The following KANK1 variants were observed in gnomAD, a reference collection of about 807,000 sequenced individuals.
KANK1 encodes KN motif and ankyrin repeat domain-containing protein 1.
KANK1 carries 109 observed loss-of-function variants against 106.2 expected under a neutral mutation model. The ratio of observed to expected loss-of-function variants is 1.03; its 90% CI spans 0.88 to 1.20. KANK1 has a LOEUF of 1.20. Ranked by LOEUF, KANK1 falls within the 50% of genes most tolerant of loss-of-function variation. KANK1 has a pLI of 0.00. For synonymous variants in KANK1, 873 were observed against 652.2 expected, an observed-to-expected ratio of 1.34 and a Z score of -5.16; for missense variants, 2,399 against 1,710.7, an observed-to-expected ratio of 1.40 and a Z score of -7.10.
chr9:561,951 T>C (rs1020131063), intron 1 of KANK1, among the ~76,000 whole-genome samples: 3 of 152,088 alleles, frequency 2.0e-5, no homozygotes, highest in African/African-American at 4.8e-5. Flanking sequence ...AGGTTGCATG[T>C]ATGATAGAAA....
chr9:508,232 G>A lies in KANK1; in HGVS notation c.-84+3478G>A, dbSNP rs576770482. Among the ~76,000 whole-genome samples the A allele has an allele frequency of 1.5e-4, 21 of 143,894 alleles. No individual in the cohort carries two copies. The South Asian group carries it at 4.7e-3, about 32-fold the overall frequency. 94.4% of individuals were successfully genotyped at this position (143,894 alleles called of 152,430 possible). On this transcript the variant is annotated intron_variant, in intron 1 of 11. Coordinates refer to ENST00000382297, the MANE Select transcript of KANK1 (RefSeq NM_015158.5). ...CAGCTCACTGCAACCTCTGCCTCCC[G>A]GGTTCAAGCGATTCTCTGCCTCAGC...
chr9:568,446 G>A (rs1290591316), intron 1 of KANK1, among the ~76,000 whole-genome samples: 2 of 152,084 alleles, frequency 1.3e-5, no homozygotes, highest in African/African-American at 2.4e-5. Flanking sequence ...AGTCTGTGGG[G>A]TTTTTTTCCT....
At chr9:495,619 C>T (rs1055842248) in intron 3 of KANK1, 1 of 152,162 alleles carries the variant, frequency 6.6e-6, no homozygotes, top group African/African-American at 2.4e-5. Context: ...TTCATCAGGT[C>T]ATGAGGTTTT....
chr9:593,202 G>A (rs1056997769), intron 1 of KANK1, among the ~76,000 whole-genome samples: 1 of 151,778 alleles, frequency 6.6e-6, no homozygotes, highest in African/African-American at 2.4e-5. Context: ...GGCAGACCAT[G>A]TGTTCCAGTT....
chr9:526,715 C>G (rs1173669165), intron 1 of KANK1, among the ~76,000 whole-genome samples: 3 of 151,810 alleles, frequency 2.0e-5, no homozygotes, highest in African/African-American at 7.3e-5. Context: ...AGAGGAATCT[C>G]TCATCTATCT....
chr9:532,540 C>T (rs994384033), intron 1 of KANK1, among the ~76,000 whole-genome samples: 4 of 151,904 alleles, frequency 2.6e-5, no homozygotes, highest in Admixed American at 2.0e-4. Context: ...CATTTCCCTC[C>T]ACTCCCTCCA....
chr9:566,135 C>T (rs962354411), intron 1 of KANK1, among the ~76,000 whole-genome samples: 15 of 152,274 alleles, frequency 9.9e-5, no homozygotes, highest in Admixed American at 1.3e-4. Flanking sequence ...TCTGTTCCTG[C>T]GTTAGTTTGC....
intron 2 of KANK1, among the ~76,000 whole-genome samples, chr9:697,695 C>T (rs544252737): frequency 1.3e-5 from 2 of 152,228 alleles, no homozygotes; most frequent in African/African-American, 4.8e-5. Flanking sequence ...GCATGATGGA[C>T]TCACAAGTAG....
intron 2 of KANK1, among the ~76,000 whole-genome samples, chr9:472,891 C>T (rs1438315693): frequency 6.6e-6 from 1 of 152,190 alleles, no homozygotes; most frequent in Non-Finnish European, 1.5e-5. Context: ...TAATGGTCAG[C>T]ATGAGAGCAT....
chr9:498,214 A>G (rs890605426), intron 3 of KANK1, among the ~76,000 whole-genome samples: 3 of 152,216 alleles, frequency 2.0e-5, no homozygotes. Context: ...GGCTATTGCT[A>G]TTTGCACACA....
intron 2 of KANK1, chr9:684,257 G>A (rs959444706): frequency 6.1e-6 from 6 of 985,290 alleles, no homozygotes; most frequent in Non-Finnish European, 7.2e-6. Context: ...AGCCAAGAAA[G>A]GATGATTTAT....
At chr9:553,549 G>C (rs1265750627) in intron 1 of KANK1, among the ~76,000 whole-genome samples, 2 of 152,116 alleles carry the variant, frequency 1.3e-5, no homozygotes, top group African/African-American at 4.8e-5. Flanking sequence ...GTTCATTTTA[G>C]GCAATTATCA....
At chr9:555,847 G>A (rs997259512) in intron 1 of KANK1, among the ~76,000 whole-genome samples, 7 of 152,138 alleles carry the variant, frequency 4.6e-5, no homozygotes, top group Non-Finnish European at 1.0e-4. Context: ...ACCTTTAGTG[G>A]TGATAAAGAT....
At chr9:740,436 T>G (rs1446318165) in intron 8 of KANK1, among the ~76,000 whole-genome samples, 1 of 152,200 alleles carries the variant, frequency 6.6e-6, no homozygotes, top group Non-Finnish European at 1.5e-5. Flanking sequence ...TGCTTCACTT[T>G]CCTAAACACA....
intron 1 of KANK1, among the ~76,000 whole-genome samples, chr9:557,500 TG>T (rs1189493245): frequency 1.3e-5 from 2 of 152,186 alleles, no homozygotes; most frequent in Non-Finnish European, 2.9e-5. Context: ...GAACTTTAAG[TG>T]ACAATGGGGA....
intron 1 of KANK1, among the ~76,000 whole-genome samples, chr9:598,905 TACGGGCA>T (rs575111708): frequency 1.3e-3 from 197 of 150,860 alleles, no homozygotes; most frequent in Non-Finnish European, 2.2e-3. Flanking sequence ...GTGCTAGAAT[TACGGGCA>T]TGAGCCACCA....
chr9:640,693 G>A (rs756968728), intron 1 of KANK1, among the ~76,000 whole-genome samples: 13 of 150,272 alleles, frequency 8.7e-5, no homozygotes, highest in Non-Finnish European at 1.5e-4. Context: ...CACCACGCCC[G>A]GCCTAATTTT....
At chr9:722,011 T>A (rs1021010463) in intron 3 of KANK1, among the ~76,000 whole-genome samples, 3 of 152,188 alleles carry the variant, frequency 2.0e-5, no homozygotes, top group Admixed American at 2.0e-4. Flanking sequence ...GGTGGGGACA[T>A]TGAAACTGCC....
intron 1 of KANK1, among the ~76,000 whole-genome samples, chr9:580,584 A>G (rs956915863): frequency 3.9e-5 from 6 of 152,190 alleles, no homozygotes; most frequent in African/African-American, 1.4e-4. Context: ...GACACAGAGC[A>G]CTGACTGGTG....
Sources: allele counts gnomAD v4.1 joint callset (sites outside exome capture counted in the v4.1 genomes callset), GRCh38; gene constraint gnomAD v4.1.1; transcripts MANE v1.5; gene names NCBI Gene and HGNC (gene_info 2026-07-23, HGNC 2026-07-21).